RNF185: variants seen among roughly 807,000 people sequenced by gnomAD.
RNF185 encodes E3 ubiquitin-protein ligase RNF185.
A neutral mutation model predicts 24.9 loss-of-function variants in RNF185; 13 were observed. The ratio of observed to expected loss-of-function variants is 0.52; its 90% CI spans 0.34 to 0.83. RNF185 has a LOEUF of 0.83. Among genes scored for constraint, RNF185 ranks in the 40% least tolerant of loss-of-function variants. The pLI, the probability that RNF185 is intolerant of heterozygous loss-of-function variation, is 0.01. For missense variants in RNF185, 184 were observed against 244.7 expected, an observed-to-expected ratio of 0.75 and a Z score of 1.65; for synonymous variants, 79 against 90.3, an observed-to-expected ratio of 0.88 and a Z score of 0.71.
intron 5 of RNF185, among the ~76,000 whole-genome samples, chr22:31,201,106 T>C (rs2048259419): frequency 6.6e-6 from 1 of 152,266 alleles, no homozygotes; most frequent in African/African-American, 2.4e-5. Flanking sequence ...GATGTTCCCT[T>C]GGGCACAGGG....
chr22:31,177,925 G>A (rs949733211), intron 1 of RNF185, among the ~76,000 whole-genome samples: 19 of 152,170 alleles, frequency 1.2e-4, no homozygotes, highest in Admixed American at 1.3e-4. Flanking sequence ...GTTCCCTGGT[G>A]GTTCCTGCAG....
intron 3 of RNF185, among the ~76,000 whole-genome samples, 154 bp from the exon 4 acceptor site, chr22:31,195,315 G>A (rs971989913): frequency 1.3e-5 from 2 of 152,186 alleles, no homozygotes; most frequent in African/African-American, 4.8e-5. Context: ...TGAATGGTAG[G>A]AGAAGGAATG....
chr22:31,197,582 G>T (rs540287575), intron 5 of RNF185, among the ~76,000 whole-genome samples: 1 of 152,310 alleles, frequency 6.6e-6, no homozygotes, highest in East Asian at 1.9e-4. Flanking sequence ...ATAAGACAGG[G>T]TCTCACTCTG....
intron 1 of RNF185, among the ~76,000 whole-genome samples, chr22:31,161,329 T>G (rs1923561407): frequency 6.6e-6 from 1 of 152,208 alleles, no homozygotes; most frequent in Non-Finnish European, 1.5e-5. Flanking sequence ...AAGGAGTTGT[T>G]CTGCATCTTT....
At chr22:31,173,584 C>A (rs1046442055) in intron 1 of RNF185, among the ~76,000 whole-genome samples, 4 of 152,152 alleles carry the variant, frequency 2.6e-5, no homozygotes, top group Non-Finnish European at 5.9e-5. Flanking sequence ...GGTTGGGAAG[C>A]TTTGCCTCTG....
intron 1 of RNF185, among the ~76,000 whole-genome samples, chr22:31,177,931 T>C (rs2047998755): frequency 6.6e-6 from 1 of 152,212 alleles, no homozygotes. Context: ...TGGTGGTTCC[T>C]GCAGGGATAT....
At chr22:31,191,243 A>G (rs1482081692) in intron 2 of RNF185, among the ~76,000 whole-genome samples, 3 of 152,200 alleles carry the variant, frequency 2.0e-5, no homozygotes, top group Non-Finnish European at 4.4e-5. Context: ...CTTTAAGGGA[A>G]CTTGCCAGTG....
chr22:31,170,394 G>A (rs1004796100), intron 1 of RNF185, among the ~76,000 whole-genome samples: 5 of 152,154 alleles, frequency 3.3e-5, no homozygotes, highest in African/African-American at 1.2e-4. Flanking sequence ...GTTTCACCAT[G>A]TTAGCCAGAT....
At chr22:31,166,429 T>C (rs890884572) in intron 1 of RNF185, among the ~76,000 whole-genome samples, 2 of 152,206 alleles carry the variant, frequency 1.3e-5, no homozygotes, top group Non-Finnish European at 2.9e-5. Context: ...GGGGCACATT[T>C]TTAATAGTTG....
intron 1 of RNF185, among the ~76,000 whole-genome samples, chr22:31,180,801 TA>T (rs1448984260): frequency 1.3e-5 from 2 of 152,210 alleles, no homozygotes; most frequent in Non-Finnish European, 2.9e-5. Flanking sequence ...TTATTTGTTA[TA>T]AAACATTGAA....
At chr22:31,186,992 A>T in intron 1 of RNF185, 55 bp from the exon 2 acceptor site, 2 of 1,234,530 alleles carry the variant, frequency 1.6e-6, no homozygotes, top group Non-Finnish European at 2.3e-6. Context: ...GTTGGCATGG[A>T]AGCTGGGGGG....
At chr22:31,173,807 A>G (rs2047955508) in intron 1 of RNF185, among the ~76,000 whole-genome samples, 1 of 152,226 alleles carries the variant, frequency 6.6e-6, no homozygotes, top group Non-Finnish European at 1.5e-5. Flanking sequence ...CACTTGGGGA[A>G]AATCTGATTT....
At chr22:31,169,682 G>C (rs1924159621) in intron 1 of RNF185, among the ~76,000 whole-genome samples, 1 of 152,138 alleles carries the variant, frequency 6.6e-6, no homozygotes, top group Non-Finnish European at 1.5e-5. Context: ...GAGTAGTTGG[G>C]ACCACAGGCA....
intron 6 of RNF185, among the ~76,000 whole-genome samples, chr22:31,204,113 G>A (rs533284992): frequency 2.2e-4 from 34 of 151,546 alleles, no homozygotes; most frequent in African/African-American, 8.2e-4. Flanking sequence ...TGGAGGCTGA[G>A]GCAGGCGGAT....
chr22:31,169,801 A>G (rs529946001), intron 1 of RNF185, among the ~76,000 whole-genome samples: 3 of 151,988 alleles, frequency 2.0e-5, no homozygotes, highest in Non-Finnish European at 4.4e-5. Context: ...GCCTGCCTCC[A>G]CCTTCCAAAG....
intron 1 of RNF185, among the ~76,000 whole-genome samples, chr22:31,166,003 T>C (rs1036110879): frequency 6.9e-6 from 1 of 145,028 alleles, no homozygotes; most frequent in Non-Finnish European, 1.6e-5. Context: ...ATTATTATTT[T>C]TTTTTAGAGA....
intron 2 of RNF185, among the ~76,000 whole-genome samples, chr22:31,189,700 A>G (rs543838386): frequency 6.6e-6 from 1 of 151,034 alleles, no homozygotes; most frequent in South Asian, 2.1e-4. Context: ...CTGCCTCCCA[A>G]GTTCAAGCAA....
At chr22:31,161,901 T>G (rs946243321) in intron 1 of RNF185, among the ~76,000 whole-genome samples, 14 of 150,954 alleles carry the variant, frequency 9.3e-5, no homozygotes, top group Admixed American at 7.9e-4. Flanking sequence ...TTTTGAGTAT[T>G]TAGTAGAGAT....
intron 6 of RNF185, 106 bp from the exon 7 acceptor site, chr22:31,204,383 A>T (rs2048294713): frequency 2.8e-6 from 2 of 720,008 alleles, no homozygotes; most frequent in Non-Finnish European, 5.1e-6. Flanking sequence ...TAGGATTCTG[A>T]TGTTGTAAAG....
Sources: gnomAD v4.1 joint callset for allele counts (sites outside exome capture counted in the v4.1 genomes callset) on GRCh38, gnomAD v4.1.1 for gene constraint, MANE v1.5 for transcripts, NCBI Gene and HGNC (gene_info 2026-07-23, HGNC 2026-07-21) for gene names.